Variants in ATP10B observed in about 807,000 individuals in gnomAD.
ATP10B encodes the protein phospholipid-transporting ATPase VB.
In ATP10B, 122 loss-of-function variants were observed where a neutral mutation model predicts 141.2. The ratio of observed to expected loss-of-function variants is 0.86; its 90% confidence interval spans 0.75 to 1.00. The LOEUF (loss-of-function observed/expected upper bound fraction) is 1.00. Among genes scored for constraint, ATP10B ranks in the 50% least tolerant of loss-of-function variants. The pLI is 0.00. For synonymous variants in ATP10B, 685 were observed against 692.0 expected, an observed-to-expected ratio of 0.99 and a Z score of 0.16; for missense variants, 1,876 against 1,825.3, an observed-to-expected ratio of 1.03 and a Z score of -0.51.
At chr5:160,735,207 A>G (rs1253040503) in intron 2 of ATP10B, among the ~76,000 whole-genome samples, 1 of 151,820 alleles carries the variant, frequency 6.6e-6, no homozygotes, top group African/African-American at 2.4e-5. Context: ...CAAAAAACAT[A>G]CAGGGCCTGA....
chr5:160,751,761 A>G (rs1344164280), intron 2 of ATP10B, among the ~76,000 whole-genome samples: 1 of 152,156 alleles, frequency 6.6e-6, no homozygotes, highest in Non-Finnish European at 1.5e-5. Context: ...GTCTGGAGAA[A>G]AGAAATGTGT....
intron 24 of ATP10B, among the ~76,000 whole-genome samples, chr5:160,584,401 T>A (rs1755754291): frequency 6.6e-6 from 1 of 152,156 alleles, no homozygotes. Flanking sequence ...GCTGGGTACC[T>A]CAGTTGGAAA....
At chr5:160,799,775 C>T (rs1772244332) in intron 1 of ATP10B, among the ~76,000 whole-genome samples, 1 of 152,178 alleles carries the variant, frequency 6.6e-6, no homozygotes, top group Non-Finnish European at 1.5e-5. Context: ...GCACAGCTTT[C>T]TGCAGCCTGG....
chr5:160,913,968 CCTTG>C, the ATP10B span, among the ~76,000 whole-genome samples: 3 of 152,132 alleles, frequency 2.0e-5, no homozygotes, highest in Non-Finnish European at 4.4e-5. Flanking sequence ...AGTAGATTGT[CCTTG>C]CTTGATGTGT....
chr5:160,646,728 A>G (rs575913605), intron 8 of ATP10B, among the ~76,000 whole-genome samples: 5 of 152,296 alleles, frequency 3.3e-5, no homozygotes, highest in Non-Finnish European at 5.9e-5. Context: ...AAGTGATAGC[A>G]TATGAGAGAG....
chr5:160,927,665 T>C, the ATP10B span, among the ~76,000 whole-genome samples: 1 of 152,166 alleles, frequency 6.6e-6, no homozygotes, highest in Admixed American at 6.5e-5. Flanking sequence ...CAGCAAGCAT[T>C]AGGCAAGCCC....
chr5:160,750,529 C>A (rs1437463301), intron 2 of ATP10B, among the ~76,000 whole-genome samples: 1 of 152,110 alleles, frequency 6.6e-6, no homozygotes, highest in Non-Finnish European at 1.5e-5. Flanking sequence ...ATTGCTTAAT[C>A]CCCACTGCTG....
At chr5:160,660,153 G>A (rs1414247150) in intron 7 of ATP10B, among the ~76,000 whole-genome samples, 1 of 152,168 alleles carries the variant, frequency 6.6e-6, no homozygotes, top group Admixed American at 6.5e-5. Context: ...AATTTGAAGG[G>A]TCAGCATGAA....
At chr5:160,893,905 T>A in the ATP10B span, among the ~76,000 whole-genome samples, 1 of 152,102 alleles carries the variant, frequency 6.6e-6, no homozygotes, top group African/African-American at 2.4e-5. Context: ...GCAAACAGGG[T>A]CTGGAGTGGA....
the ATP10B span, among the ~76,000 whole-genome samples, chr5:160,874,885 G>A: frequency 5.5e-5 from 8 of 145,758 alleles, no homozygotes; most frequent in Non-Finnish European, 1.1e-4. Flanking sequence ...GGGACTATGT[G>A]AAAAGACCAA....
intron 24 of ATP10B, among the ~76,000 whole-genome samples, chr5:160,577,990 A>G (rs953568049): frequency 6.6e-6 from 1 of 152,112 alleles, no homozygotes; most frequent in African/African-American, 2.4e-5. Context: ...ATATAGTTGT[A>G]TGAAAATATC....
At chr5:160,785,030 G>A (rs113026942) in intron 2 of ATP10B, among the ~76,000 whole-genome samples, 2 of 152,066 alleles carry the variant, frequency 1.3e-5, no homozygotes, top group East Asian at 3.9e-4. Flanking sequence ...CTAAGGACTG[G>A]TTTAGGCAAG....
intron 6 of ATP10B, among the ~76,000 whole-genome samples, chr5:160,670,991 CCT>C (rs944241107): frequency 5.1e-4 from 77 of 151,496 alleles, no homozygotes; most frequent in African/African-American, 1.8e-3. Flanking sequence ...ATGGTGAAAC[CCT>C]GTCTCTACTA....
At chr5:160,792,108 A>T (rs1054654604) in intron 1 of ATP10B, among the ~76,000 whole-genome samples, 2 of 152,142 alleles carry the variant, frequency 1.3e-5, no homozygotes, top group Non-Finnish European at 2.9e-5. Flanking sequence ...CTCAGAGGAA[A>T]TAAATCCCCC....
chr5:160,666,067 A>G lies in ATP10B; in HGVS notation c.675+4396T>C, dbSNP rs1011588164. ...CCTCCCATGGTGATCTTAGGCTTAA[A>G]ATAGACAATGCATGTAAAAGAACTA... On this transcript the variant is annotated intron_variant, in intron 7 of 25. Coordinates refer to ENST00000327245, the MANE Select transcript of ATP10B (RefSeq NM_025153.3). 7.2e-5 allele frequency among the ~76,000 whole-genome samples: 11 copies of G among 152,318 alleles called. No homozygotes were observed. In the East Asian group the frequency reaches 7.7e-4, roughly 11 times the overall value.
At chr5:160,829,812 A>T (rs1774937404) in intron 1 of ATP10B, among the ~76,000 whole-genome samples, 1 of 151,864 alleles carries the variant, frequency 6.6e-6, no homozygotes, top group South Asian at 2.1e-4. Context: ...CATATCCTGC[A>T]ACCTTGTTAA....
chr5:160,820,658 C>A (rs1268648119), intron 1 of ATP10B, among the ~76,000 whole-genome samples: 1 of 151,950 alleles, frequency 6.6e-6, no homozygotes, highest in Admixed American at 6.6e-5. Context: ...TATTAGCAAA[C>A]CAAATTAAAC....
chr5:160,699,588 T>G (rs1378601157), intron 3 of ATP10B, among the ~76,000 whole-genome samples: 1 of 152,172 alleles, frequency 6.6e-6, no homozygotes, highest in Non-Finnish European at 1.5e-5. Context: ...CTTAATGGAC[T>G]AGGCATCTGG....
At chr5:160,733,567 CATAT>C (rs574471931) in intron 2 of ATP10B, among the ~76,000 whole-genome samples, 1 of 151,782 alleles carries the variant, frequency 6.6e-6, no homozygotes, top group African/African-American at 2.4e-5. Flanking sequence ...AGAAAAATGA[CATAT>C]ATATGTCACA....
Sources: gnomAD v4.1 joint callset for allele counts (sites outside exome capture counted in the v4.1 genomes callset) on GRCh38, gnomAD v4.1.1 for gene constraint, MANE v1.5 for transcripts, NCBI Gene and HGNC (gene_info 2026-07-23, HGNC 2026-07-21) for gene names.